The following NCKAP1 variants were observed in gnomAD, a reference collection of about 807,000 sequenced individuals.
NCKAP1 encodes the protein nck-associated protein 1.
Under a neutral mutation model 151.2 loss-of-function variants are expected in NCKAP1, and 21 were observed. The observed-to-expected ratio is 0.14, with a 90% CI of 0.10 to 0.20. The LOEUF is 0.20. Ranked by LOEUF, NCKAP1 falls within the 10% of genes least tolerant of loss-of-function variation. NCKAP1 has a pLI of 1.00. For synonymous variants in NCKAP1, 484 were observed against 451.8 expected, an observed-to-expected ratio of 1.07 and a Z score of -0.90; for missense variants, 933 against 1,352.1, an observed-to-expected ratio of 0.69 and a Z score of 4.86.
At chr2:182,994,940 C>A in intron 7 of NCKAP1, 53 bp from the exon 8 acceptor site, 1 of 1,379,724 alleles carries the variant, frequency 7.2e-7, no homozygotes, top group South Asian at 1.2e-5. Flanking sequence ...AAAAAATATT[C>A]CATATTGAGC....
intron 15 of NCKAP1, among the ~76,000 whole-genome samples, chr2:182,974,590 A>G (rs1697767351): frequency 6.6e-6 from 1 of 152,198 alleles, no homozygotes; most frequent in South Asian, 2.1e-4. Context: ...GAGTAATGCA[A>G]CTACAAGCAA....
intron 2 of NCKAP1, among the ~76,000 whole-genome samples, chr2:183,023,186 C>T (rs1316746231): frequency 6.6e-6 from 1 of 151,930 alleles, no homozygotes; most frequent in Non-Finnish European, 1.5e-5. Flanking sequence ...ACTCTAATTT[C>T]CCAAAAGTAG....
At position 183,038,127 on chromosome 2, in the gene NCKAP1, G is replaced by A. The variant is rs1274396297; in HGVS notation, c.-28C>T. The A allele has an allele frequency of 2.7e-6, 4 of 1,500,094 alleles. No individual in the cohort carries two copies. Among genetic ancestry groups the A allele is most frequent in the South Asian group, 1.2e-5 (1 of 80,878 alleles). 92.9% of individuals were successfully genotyped at this position (1,500,094 alleles called of 1,614,324 possible). The stretch of plus-strand genomic sequence containing the variant: ...TGGTGCTGGTGCCGCCGCCGCCGCC[G>A]GCCGCCTCGCGCCCAGTCACGGGCC... On this transcript the variant is annotated 5_prime_UTR_variant, in exon 1 of 31. Transcript: ENST00000361354.
intron 7 of NCKAP1, among the ~76,000 whole-genome samples, chr2:182,995,164 A>G (rs1698244386): frequency 6.6e-6 from 1 of 152,200 alleles, no homozygotes; most frequent in Non-Finnish European, 1.5e-5. Flanking sequence ...GTAAATGACA[A>G]CTTATCAATT....
intron 17 of NCKAP1, among the ~76,000 whole-genome samples, chr2:182,963,555 C>T (rs947058943): frequency 5.3e-5 from 8 of 152,038 alleles, no homozygotes; most frequent in African/African-American, 1.9e-4. Flanking sequence ...AAAGAGACCA[C>T]TTAGGTAATC....
intron 23 of NCKAP1, among the ~76,000 whole-genome samples, chr2:182,945,154 G>T (rs1697074792): frequency 1.3e-5 from 2 of 152,084 alleles, no homozygotes; most frequent in African/African-American, 2.4e-5. Flanking sequence ...AGAATCGCCT[G>T]AACCCGGGAG....
At chr2:183,037,124 C>G (rs1229746407) in intron 1 of NCKAP1, among the ~76,000 whole-genome samples, 6 of 152,192 alleles carry the variant, frequency 3.9e-5, no homozygotes, top group African/African-American at 1.4e-4. Context: ...CAGTGGTCTT[C>G]CACTCCTTAC....
chr2:182,928,127 T>C lies in NCKAP1; in HGVS notation c.3170A>G (p.Glu1057Gly). 1 of 1,600,578 alleles carries C rather than the reference T, an allele frequency of 6.2e-7. No individual in the cohort carries two copies. Among genetic ancestry groups the C allele is most frequent in the Non-Finnish European group, 8.5e-7 (1 of 1,170,368 alleles). ...HKGSIEDRLK[E>G]FLALASSSLL... ...TTTGATTATACATACCGCCAGAAAT[T>C]CTTTAAGACGGTCTTCAATGCTTCC... Residue 1057 changes from glutamate to glycine, a missense_variant, in exon 29 of 31, where the codon GAA becomes GGA. Around this residue, in one of 2 missense-constraint regions of NCKAP1, gnomAD observed 326 missense variants for 557.1 expected, o/e 0.59. Coordinates refer to ENST00000361354, the MANE Select transcript of NCKAP1 (RefSeq NM_013436.5).
intron 23 of NCKAP1, among the ~76,000 whole-genome samples, chr2:182,951,411 G>A (rs548702055): frequency 2.6e-5 from 4 of 151,666 alleles, no homozygotes; most frequent in South Asian, 2.1e-4. Context: ...GCTCATGCCT[G>A]TAATCCCAGC....
At chr2:183,037,588 A>G (rs1035585651) in intron 1 of NCKAP1, among the ~76,000 whole-genome samples, 4 of 152,182 alleles carry the variant, frequency 2.6e-5, no homozygotes, top group African/African-American at 4.8e-5. Context: ...CCATCTCCGT[A>G]AGAATATGGA....
intron 13 of NCKAP1, among the ~76,000 whole-genome samples, chr2:182,979,912 C>T (rs143173076): frequency 5.7e-4 from 86 of 152,190 alleles, no homozygotes; most frequent in African/African-American, 2.0e-3. Context: ...GTAAGATACA[C>T]TATCAATAAA....
chr2:182,990,880 A>T (rs925539165), intron 8 of NCKAP1, among the ~76,000 whole-genome samples: 7 of 152,198 alleles, frequency 4.6e-5, no homozygotes, highest in Admixed American at 4.6e-4. Flanking sequence ...ACACATATTT[A>T]ACTTCTTTGA....
At chr2:182,967,168 C>T (rs372240256) in intron 16 of NCKAP1, 48 bp downstream of exon 16, 17 of 1,517,032 alleles carry the variant, frequency 1.1e-5, no homozygotes, top group East Asian at 4.5e-5. Context: ...AAACATATAT[C>T]GCATACTAAA....
chr2:182,976,121 A>G (rs775969940), intron 15 of NCKAP1, among the ~76,000 whole-genome samples: 39 of 152,176 alleles, frequency 2.6e-4, no homozygotes, highest in Admixed American at 7.9e-4. Context: ...TTAAAAATAT[A>G]TGGATTTTTA....
At chr2:182,960,367 C>CGGG (rs1559082899) in intron 18 of NCKAP1, among the ~76,000 whole-genome samples, 1 of 152,180 alleles carries the variant, frequency 6.6e-6, no homozygotes, top group Non-Finnish European at 1.5e-5. Flanking sequence ...CAGCATGGTA[C>CGGG]TGGTACCAAA....
At chr2:182,984,094 T>C (rs181764618) in intron 10 of NCKAP1, among the ~76,000 whole-genome samples, 213 of 151,772 alleles carry the variant, frequency 1.4e-3, no homozygotes, top group African/African-American at 4.9e-3. Context: ...GTCACTTCCA[T>C]AAAGAAATTA....
chr2:183,005,404 T>A (rs1340481305), intron 2 of NCKAP1, among the ~76,000 whole-genome samples: 1 of 152,112 alleles, frequency 6.6e-6, no homozygotes, highest in African/African-American at 2.4e-5. Context: ...ACAAACCTCA[T>A]TTTCCATATT....
At chr2:182,976,117 AT>A (rs1478674176) in intron 15 of NCKAP1, among the ~76,000 whole-genome samples, 2 of 152,196 alleles carry the variant, frequency 1.3e-5, no homozygotes, top group Non-Finnish European at 2.9e-5. Flanking sequence ...TCATTTAAAA[AT>A]ATATGGATTT....
chr2:183,037,204 C>G (rs1397172959), intron 1 of NCKAP1, among the ~76,000 whole-genome samples: 3 of 152,164 alleles, frequency 2.0e-5, no homozygotes, highest in Non-Finnish European at 2.9e-5. Context: ...TCAGACTATG[C>G]TATAAATCAG....
Sources: allele counts gnomAD v4.1 joint callset (sites outside exome capture counted in the v4.1 genomes callset), GRCh38; gene constraint gnomAD v4.1.1; regional missense constraint gnomAD v4.1.1; transcripts MANE v1.5; gene names NCBI Gene and HGNC (gene_info 2026-07-23, HGNC 2026-07-21).